PRKCA: variants seen among roughly 807,000 people sequenced by gnomAD.
PRKCA encodes the protein protein kinase C alpha type.
A neutral mutation model predicts 87.0 loss-of-function variants in PRKCA; 27 were observed. The observed-to-expected ratio is 0.31, with a 90% confidence interval of 0.23 to 0.43. The LOEUF is 0.43. Among genes scored for constraint, PRKCA ranks in the 20% least tolerant of loss-of-function variants. PRKCA has a pLI of 1.00. For missense variants in PRKCA, 518 were observed against 852.3 expected, an observed-to-expected ratio of 0.61 and a Z score of 4.88; for synonymous variants, 329 against 311.1, an observed-to-expected ratio of 1.06 and a Z score of -0.61.
chr17:66,631,983 G>A (rs1303739468), intron 3 of PRKCA, among the ~76,000 whole-genome samples: 2 of 152,168 alleles, frequency 1.3e-5, no homozygotes, highest in Non-Finnish European at 2.9e-5. Context: ...AGTTGTATTG[G>A]TGGCTTGTGG....
chr17:66,678,451 T>TA (rs1430968624), intron 5 of PRKCA, among the ~76,000 whole-genome samples: 4 of 152,358 alleles, frequency 2.6e-5, no homozygotes, highest in African/African-American at 7.2e-5. Flanking sequence ...CTAAGATTAC[T>TA]ATTGATGTCA....
chr17:66,343,301 C>T (rs1434399916), intron 2 of PRKCA, among the ~76,000 whole-genome samples: 1 of 152,072 alleles, frequency 6.6e-6, no homozygotes, highest in Non-Finnish European at 1.5e-5. Context: ...GTACTTAATC[C>T]ATTTCCTCTC....
chr17:66,782,101 A>G (rs1015895328), intron 14 of PRKCA, among the ~76,000 whole-genome samples: 77 of 151,878 alleles, frequency 5.1e-4, no homozygotes, highest in African/African-American at 1.7e-3. Flanking sequence ...TTTAGTAGAG[A>G]TGGGGTTTCA....
chr17:66,309,391 G>A (rs747280102), intron 2 of PRKCA, among the ~76,000 whole-genome samples: 3 of 152,118 alleles, frequency 2.0e-5, no homozygotes, highest in Admixed American at 6.6e-5. Flanking sequence ...AGGGAAGGGC[G>A]TTTCTCTGGA....
intron 7 of PRKCA, 25 bp downstream of exon 7, chr17:66,688,461 A>G (rs1972689316): frequency 1.2e-6 from 2 of 1,613,718 alleles, no homozygotes; most frequent in Non-Finnish European, 1.7e-6. Flanking sequence ...TAGGTTGAGT[A>G]TGTCTCAAAG....
intron 8 of PRKCA, among the ~76,000 whole-genome samples, chr17:66,702,623 TTTGA>T (rs1386893653): frequency 1.3e-5 from 2 of 152,194 alleles, no homozygotes; most frequent in East Asian, 1.9e-4. Flanking sequence ...TGTTAATTAG[TTTGA>T]TTGTAGTAAT....
At position 66,688,569 on chromosome 17, in the gene PRKCA, G is replaced by A. The variant is rs554894728; in HGVS notation, c.821+133G>A. On this transcript the variant is annotated intron_variant, in intron 7 of 16. Transcript: ENST00000413366. ...TGTAATCCCAGCACTTCAAGAGGCC[G>A]AGGCAGGTGGATTGCTTGAGCTCTG... The A allele has an allele frequency of 3.8e-4, 444 of 1,165,480 alleles. 1 individual carries two copies. The highest frequency in any genetic ancestry group is 7.6e-4 in the Admixed American group (31 of 40,946). 72.2% of individuals were successfully genotyped at this position (1,165,480 alleles called of 1,614,324 possible).
At chr17:66,432,855 ATT>A (rs1913168404) in intron 2 of PRKCA, among the ~76,000 whole-genome samples, 1 of 152,118 alleles carries the variant, frequency 6.6e-6, no homozygotes, top group Non-Finnish European at 1.5e-5. Context: ...CCTATTGTGT[ATT>A]TGGTTGGAGC....
intron 3 of PRKCA, among the ~76,000 whole-genome samples, chr17:66,596,220 T>C (rs911041401): frequency 2.0e-5 from 3 of 152,218 alleles, no homozygotes; most frequent in African/African-American, 4.8e-5. Flanking sequence ...ATGGGTACCT[T>C]CTGGCGTATT....
At chr17:66,522,886 G>A (rs1173047806) in intron 3 of PRKCA, among the ~76,000 whole-genome samples, 1 of 151,888 alleles carries the variant, frequency 6.6e-6, no homozygotes, top group Non-Finnish European at 1.5e-5. Flanking sequence ...TGAATCCAGT[G>A]GGGTCTTGAT....
chr17:66,501,787 G>T (rs760002076), intron 3 of PRKCA, among the ~76,000 whole-genome samples: 1 of 152,234 alleles, frequency 6.6e-6, no homozygotes, highest in African/African-American at 2.4e-5. Flanking sequence ...TTAAGATGCA[G>T]ACTCGGACAT....
At chr17:66,498,688 A>G (rs1335202020) in intron 3 of PRKCA, among the ~76,000 whole-genome samples, 2 of 152,198 alleles carry the variant, frequency 1.3e-5, no homozygotes, top group African/African-American at 2.4e-5. Context: ...TCTCTAAGGG[A>G]CATACTGCAT....
chr17:66,359,522 T>C (rs1379224004), intron 2 of PRKCA, among the ~76,000 whole-genome samples: 1 of 152,208 alleles, frequency 6.6e-6, no homozygotes, highest in East Asian at 1.9e-4. Context: ...AATTCCACCC[T>C]GGCCATGTGG....
intron 16 of PRKCA, chr17:66,796,636 C>T (rs1975676855): frequency 3.0e-6 from 3 of 985,208 alleles, no homozygotes; most frequent in South Asian, 4.7e-5. Context: ...AAAGGGCAGA[C>T]CAATGGCCAG....
intron 13 of PRKCA, among the ~76,000 whole-genome samples, chr17:66,744,780 G>A (rs1373957022): frequency 1.3e-5 from 2 of 152,182 alleles, no homozygotes; most frequent in African/African-American, 4.8e-5. Flanking sequence ...AGCCTCACTG[G>A]ACTAAAGTCA....
At chr17:66,437,733 A>AGGGG (rs1567828446) in intron 2 of PRKCA, among the ~76,000 whole-genome samples, 2 of 3,768 alleles carry the variant, frequency 5.3e-4, no homozygotes, top group Non-Finnish European at 9.2e-4. Flanking sequence ...TTTTTTTTTG[A>AGGGG]GCGGGGGGTG....
At chr17:66,375,632 G>A (rs143008123) in intron 2 of PRKCA, among the ~76,000 whole-genome samples, 1,839 of 152,276 alleles carry the variant, frequency 0.012, 45 homozygotes, top group African/African-American at 0.042. Context: ...AGTTCTGGGG[G>A]CAGTTCTTGA....
chr17:66,488,316 T>C (rs1276469889), intron 2 of PRKCA, among the ~76,000 whole-genome samples: 1 of 152,094 alleles, frequency 6.6e-6, no homozygotes, highest in African/African-American at 2.4e-5. Context: ...ATGAAGAAAA[T>C]GACATTTTTA....
chr17:66,565,959 G>A (rs1968877343), intron 3 of PRKCA, among the ~76,000 whole-genome samples: 1 of 152,080 alleles, frequency 6.6e-6, no homozygotes, highest in Non-Finnish European at 1.5e-5. Context: ...GAGGTTACCT[G>A]GCCTATTAGA....
Sources: allele counts gnomAD v4.1 joint callset (sites outside exome capture counted in the v4.1 genomes callset), GRCh38; gene constraint gnomAD v4.1.1; transcripts MANE v1.5; gene names NCBI Gene and HGNC (gene_info 2026-07-23, HGNC 2026-07-21).